Variants in NGLY1 observed in about 807,000 individuals in gnomAD.
NGLY1 encodes the protein N-glycanase 1.
Under a neutral mutation model 84.6 loss-of-function variants are expected in NGLY1, and 68 were observed. That is an observed-to-expected ratio of 0.80 (90% CI 0.66 to 0.98). The LOEUF is 0.98. NGLY1 is among the 50% of genes least tolerant of loss of function. The pLI is 0.00. For missense variants in NGLY1, 779 were observed against 770.2 expected (o/e 1.01, Z -0.14); for synonymous variants, 280 against 275.2 (o/e 1.02, Z -0.17).
At chr3:25,770,057 T>A (rs887326222) in intron 2 of NGLY1, among the ~76,000 whole-genome samples, 4 of 152,190 alleles carry the variant, frequency 2.6e-5, no homozygotes, top group African/African-American at 9.6e-5. Context: ...CATTCCTGAG[T>A]TACCTCACTT....
intron 2 of NGLY1, chr3:25,777,947 T>C (rs1307497340): frequency 6.6e-6 from 1 of 152,222 alleles, no homozygotes; most frequent in Non-Finnish European, 1.5e-5. Flanking sequence ...CCACTGACTA[T>C]TGAGTCTCTG....
At chr3:25,731,469 G>A (rs962219462) in intron 9 of NGLY1, among the ~76,000 whole-genome samples, 1 of 152,038 alleles carries the variant, frequency 6.6e-6, no homozygotes, top group Non-Finnish European at 1.5e-5. Flanking sequence ...ACACAAAGAT[G>A]TCGAAAAACT....
chr3:25,726,372 T>A (rs1646917462), intron 10 of NGLY1, among the ~76,000 whole-genome samples: 1 of 152,140 alleles, frequency 6.6e-6, no homozygotes, highest in East Asian at 1.9e-4. Flanking sequence ...ATGTAAACAT[T>A]ATTAGAGAGA....
intron 2 of NGLY1, among the ~76,000 whole-genome samples, chr3:25,767,467 C>T (rs1174708283): frequency 3.3e-5 from 5 of 152,106 alleles, no homozygotes; most frequent in African/African-American, 9.7e-5. Flanking sequence ...GCAAATTTCC[C>T]GTACTCATCT....
At chr3:25,777,320 A>T (rs1708198862) in intron 2 of NGLY1, among the ~76,000 whole-genome samples, 1 of 145,428 alleles carries the variant, frequency 6.9e-6, no homozygotes, top group Non-Finnish European at 1.5e-5. Flanking sequence ...GCTTGAATCC[A>T]GGAGGCGAAG....
intron 10 of NGLY1, among the ~76,000 whole-genome samples, chr3:25,727,348 C>G (rs1048033459): frequency 6.6e-6 from 1 of 152,150 alleles, no homozygotes; most frequent in Non-Finnish European, 1.5e-5. Context: ...CTATCATTTA[C>G]ATTATTTAAA....
chr3:25,789,168 C>T (rs1174187456), intron 1 of NGLY1, among the ~76,000 whole-genome samples: 1 of 152,138 alleles, frequency 6.6e-6, no homozygotes, highest in East Asian at 1.9e-4. Flanking sequence ...GTTATATTTT[C>T]CCTTTATCGG....
At position 25,731,361 on chromosome 3, in the gene NGLY1, T is replaced by G. The variant is rs534181980; in HGVS notation, c.1425+958A>C. ...ATCCAAAAGTTTAAAGAACAGGCAT[T>G]CACCATAATTAGTCATCACCAAAAT... On this transcript the variant is annotated intron_variant, in intron 9 of 11. Coordinates refer to ENST00000280700, the MANE Select transcript of NGLY1 (RefSeq NM_018297.4). Among the ~76,000 whole-genome samples, 4 of 152,126 alleles carry G rather than the reference T, an allele frequency of 2.6e-5. No individual in the cohort carries two copies. The South Asian group carries it at 8.3e-4, about 32-fold the overall frequency.
chr3:25,780,698 T>C (rs1188386320), intron 1 of NGLY1, among the ~76,000 whole-genome samples: 4 of 152,126 alleles, frequency 2.6e-5, no homozygotes, highest in Non-Finnish European at 4.4e-5. Flanking sequence ...TCAAAGCTCA[T>C]TGCTGCTTAG....
At chr3:25,770,762 A>C (rs1460313765) in intron 2 of NGLY1, among the ~76,000 whole-genome samples, 1 of 152,206 alleles carries the variant, frequency 6.6e-6, no homozygotes, top group African/African-American at 2.4e-5. Flanking sequence ...TTGCAGCAGT[A>C]AGGTGTTGTC....
chr3:25,768,008 G>C (rs1437447756), intron 2 of NGLY1, among the ~76,000 whole-genome samples: 4 of 148,134 alleles, frequency 2.7e-5, no homozygotes, highest in African/African-American at 1.0e-4. Context: ...AGCTACTCGG[G>C]AGGCTGAGGC....
chr3:25,774,911 G>A (rs900220884), intron 2 of NGLY1, among the ~76,000 whole-genome samples: 16 of 152,146 alleles, frequency 1.1e-4, no homozygotes, highest in African/African-American at 3.6e-4. Flanking sequence ...CCTCCCCAAG[G>A]ACCCCTGTGA....
At chr3:25,738,456 G>A (rs903046222) in intron 5 of NGLY1, among the ~76,000 whole-genome samples, 1 of 152,084 alleles carries the variant, frequency 6.6e-6, no homozygotes, top group African/African-American at 2.4e-5. Context: ...AACTGATAGA[G>A]CTGAGCAGGA....
chr3:25,789,176 C>T (rs1363251999), intron 1 of NGLY1, among the ~76,000 whole-genome samples: 2 of 152,130 alleles, frequency 1.3e-5, no homozygotes, highest in Admixed American at 1.3e-4. Flanking sequence ...TTCCCTTTAT[C>T]GGTTTGCAGT....
At chr3:25,722,111 G>T (rs933586989) in intron 10 of NGLY1, among the ~76,000 whole-genome samples, 1 of 151,794 alleles carries the variant, frequency 6.6e-6, no homozygotes, top group African/African-American at 2.4e-5. Flanking sequence ...CCAGCTACTC[G>T]GGAGGCTGAT....
At chr3:25,759,917 AACAC>A (rs71624610) in intron 3 of NGLY1, among the ~76,000 whole-genome samples, 5 of 41,732 alleles carry the variant, frequency 1.2e-4, no homozygotes, top group African/African-American at 1.6e-4. Context: ...TAGTTAAAAA[AACAC>A]ACACACACAC....
intron 1 of NGLY1, among the ~76,000 whole-genome samples, chr3:25,779,736 A>C (rs1306021028): frequency 6.6e-6 from 1 of 152,264 alleles, no homozygotes; most frequent in Non-Finnish European, 1.5e-5. Context: ...ATAAGTTTTA[A>C]CAAATTTTGC....
intron 2 of NGLY1, among the ~76,000 whole-genome samples, chr3:25,768,125 A>G (rs1417832505): frequency 1.3e-5 from 2 of 150,804 alleles, no homozygotes; most frequent in East Asian, 3.9e-4. Flanking sequence ...AAAAAAAAAA[A>G]AAAAAAAAAA....
chr3:25,733,326 T>G (rs1023515702), intron 8 of NGLY1, among the ~76,000 whole-genome samples: 8 of 152,172 alleles, frequency 5.3e-5, no homozygotes, highest in African/African-American at 1.9e-4. Flanking sequence ...CCCACATGTA[T>G]AGAGTTAAAA....
Sources: allele counts gnomAD v4.1 joint callset (sites outside exome capture counted in the v4.1 genomes callset), GRCh38; gene constraint gnomAD v4.1.1; transcripts MANE v1.5; gene names NCBI Gene and HGNC (gene_info 2026-07-23, HGNC 2026-07-21).